PCDHA3: variants seen among roughly 807,000 people sequenced by gnomAD.
PCDHA3 encodes protocadherin alpha 3, also known as protocadherin alpha-3.
In PCDHA3, 41 loss-of-function variants were observed where a neutral mutation model predicts 62.2. That is an observed-to-expected ratio of 0.66 (90% CI 0.51 to 0.86). The LOEUF is 0.86. Ranked by LOEUF, PCDHA3 falls within the 40% of genes least tolerant of loss-of-function variation. The pLI, the probability that PCDHA3 is intolerant of heterozygous loss-of-function variation, is 0.00. For synonymous variants in PCDHA3, 640 were observed against 555.4 expected, an observed-to-expected ratio of 1.15 and a Z score of -2.14; for missense variants, 1,304 against 1,241.2, an observed-to-expected ratio of 1.05 and a Z score of -0.76.
At chr5:140,823,142 A>G in intron 1 of PCDHA3, 1 of 1,613,792 alleles carries the variant, frequency 6.2e-7, no homozygotes, top group Non-Finnish European at 8.5e-7. Context: ...GCGTTCGCGC[A>G]GCCCCAGTAT....
chr5:140,943,476 AAAT>A (rs1167849813), intron 1 of PCDHA3, among the ~76,000 whole-genome samples: 3 of 152,134 alleles, frequency 2.0e-5, no homozygotes, highest in Non-Finnish European at 2.9e-5. Context: ...AGATACAGTA[AAAT>A]AATAAATAGA....
intron 3 of PCDHA3, among the ~76,000 whole-genome samples, chr5:140,992,217 C>T (rs1281643880): frequency 6.6e-6 from 1 of 152,088 alleles, no homozygotes; most frequent in Non-Finnish European, 1.5e-5. Flanking sequence ...AACTACTCTC[C>T]CTTCCTGGGA....
In PCDHA3 at chr5:140,876,482, T is replaced by G. The variant is rs372044061; in HGVS notation, c.2394+72891T>G. The G allele has an allele frequency of 1.8e-4, 291 of 1,613,904 alleles. No individual in the cohort carries two copies. The highest frequency in any genetic ancestry group is 2.4e-4 in the Non-Finnish European group (285 of 1,179,894). On this transcript the variant is annotated intron_variant, in intron 1 of 3. Transcript: ENST00000522353. The stretch of plus-strand genomic sequence containing the variant: ...TCCATGGCAGGTCACAGCATGGTCC[T>G]GGTGGAAGTTCTGGACGTGAATGAC...
At chr5:140,911,952 G>A (rs2075698662) in intron 1 of PCDHA3, among the ~76,000 whole-genome samples, 1 of 152,170 alleles carries the variant, frequency 6.6e-6, no homozygotes, top group South Asian at 2.1e-4. Context: ...ATAAAGGGGA[G>A]GTTACTAAGG....
chr5:140,896,188 G>C (rs1554186861), intron 1 of PCDHA3, among the ~76,000 whole-genome samples: 1 of 152,132 alleles, frequency 6.6e-6, no homozygotes, highest in Non-Finnish European at 1.5e-5. Context: ...ATTGTGAATA[G>C]TGCCATGATG....
chr5:140,865,916 T>C (rs1446855400), intron 1 of PCDHA3: 1 of 152,190 alleles, frequency 6.6e-6, no homozygotes, highest in Non-Finnish European at 1.5e-5. Context: ...TTTCTTTCTG[T>C]TGTGCTTAGA....
intron 1 of PCDHA3, chr5:140,871,259 C>A (rs1554165338): frequency 3.1e-6 from 5 of 1,613,958 alleles, no homozygotes; most frequent in Non-Finnish European, 4.2e-6. Context: ...CTGTATACGG[C>A]GCTGTGGTGG....
intron 1 of PCDHA3, chr5:140,871,553 G>GT (rs555355563): frequency 9.2e-4 from 1,372 of 1,491,042 alleles, no homozygotes; most frequent in South Asian, 9.1e-4. Flanking sequence ...TTAAAATCCA[G>GT]TTTTTTTTCA....
At chr5:140,932,349 C>A (rs2088248613) in intron 1 of PCDHA3, among the ~76,000 whole-genome samples, 1 of 151,900 alleles carries the variant, frequency 6.6e-6, no homozygotes, top group Admixed American at 6.6e-5. Flanking sequence ...ACTTACCATA[C>A]AACTGGCCTT....
At chr5:140,881,382 C>T (rs1312033271) in intron 1 of PCDHA3, 2 of 983,994 alleles carry the variant, frequency 2.0e-6, no homozygotes, top group Non-Finnish European at 2.4e-6. Flanking sequence ...CAGCCGGCGG[C>T]GGTAAGTTAA....
Position 140,803,354 on chromosome 5 carries a change from T to C in PCDHA3, c.2157T>C (p.Thr719=), listed in dbSNP as rs1251754206. 1.9e-6 allele frequency: 3 copies of C among 1,614,066 alleles called. No individual in the cohort carries two copies. Among genetic ancestry groups the C allele is most frequent in the Admixed American group, 1.7e-5 (1 of 60,016 alleles). ...TGGTGCTCACACTGCTGCTATATAC[T>C]GCTCTGCGGTGCTCCGCGCCGCCAA... is the stretch of plus-strand genomic sequence containing the variant. ...SLLVLTLLLY[T]ALRCSAPPTE... Residue 719 remains threonine (T), a synonymous_variant, in exon 1 of 4, where the codon ACT becomes ACC. Transcript: ENST00000522353.
intron 1 of PCDHA3, among the ~76,000 whole-genome samples, chr5:140,921,651 C>T (rs155817): frequency 0.33 from 49,637 of 151,902 alleles, 8,394 homozygotes; most frequent in East Asian, 0.53. Context: ...TTTAAGGGAA[C>T]TTAATAAAAA....
chr5:140,851,036 T>C lies in PCDHA3; in HGVS notation c.2394+47445T>C. 2 of 1,401,900 alleles carry C rather than the reference T, an allele frequency of 1.4e-6. 1 individual carries two copies. The highest frequency in any genetic ancestry group is 3.7e-5 in the South Asian group (2 of 53,334). 86.8% of individuals were successfully genotyped at this position (1,401,900 alleles called of 1,614,324 possible). The stretch of plus-strand genomic sequence containing the variant: ...TTCTGATAAAGTAAACCCCTTAACA[T>C]TGGAGCCGACTTTGTCTTGACTTCT... On this transcript the variant is annotated intron_variant, in intron 1 of 3. Transcript: ENST00000522353.
At chr5:140,863,489 C>A in intron 1 of PCDHA3, 1 of 450,994 alleles carries the variant, frequency 2.2e-6, no homozygotes, top group Non-Finnish European at 4.4e-6. Flanking sequence ...CCAAGGTCAA[C>A]ATTACGGCTT....
intron 1 of PCDHA3, among the ~76,000 whole-genome samples, chr5:140,922,616 A>G (rs2080916487): frequency 6.6e-6 from 1 of 152,242 alleles, no homozygotes; most frequent in African/African-American, 2.4e-5. Context: ...TATTAAAACT[A>G]TGGTACACAT....
intron 1 of PCDHA3, among the ~76,000 whole-genome samples, chr5:140,930,626 A>G (rs1554207971): frequency 6.6e-6 from 1 of 152,220 alleles, no homozygotes; most frequent in Non-Finnish European, 1.5e-5. Flanking sequence ...GGAGGTGTGT[A>G]GAAATTAAGG....
chr5:140,883,142 G>A (rs150205860), intron 1 of PCDHA3: 1 of 1,614,004 alleles, frequency 6.2e-7, no homozygotes, highest in South Asian at 1.1e-5. Flanking sequence ...AGTGGTATAT[G>A]CATTTACCAT....
intron 1 of PCDHA3, chr5:140,812,931 A>T (rs1192627991): frequency 6.6e-6 from 1 of 152,234 alleles, no homozygotes; most frequent in African/African-American, 2.4e-5. Context: ...TTTAATTTCT[A>T]CATATTTGCA....
chr5:140,870,391 G>A lies in PCDHA3; in HGVS notation c.2394+66800G>A. 1.9e-6 allele frequency: 3 copies of A among 1,614,230 alleles called. No homozygotes were observed. Among genetic ancestry groups the A allele is most frequent in the East Asian group, 2.2e-5 (1 of 44,872 alleles). The stretch of plus-strand genomic sequence containing the variant: ...ACTGGTGGTGACTGCGCGGGATGGG[G>A]GTTCGCCTTCTCTGTGGGCCACGGC... On this transcript the variant is annotated intron_variant, in intron 1 of 3. Transcript: ENST00000522353.
Sources: allele counts gnomAD v4.1 joint callset (sites outside exome capture counted in the v4.1 genomes callset), GRCh38; gene constraint gnomAD v4.1.1; transcripts MANE v1.5; gene names NCBI Gene and HGNC (gene_info 2026-07-23, HGNC 2026-07-21).